The following ZC3H12A variants were observed in gnomAD, a reference collection of about 807,000 sequenced individuals.
ZC3H12A encodes zinc finger CCCH-type containing 12A.
ZC3H12A carries 9 observed loss-of-function variants against 29.9 expected under a neutral mutation model. That is an observed-to-expected ratio of 0.30 (90% confidence interval 0.18 to 0.53). The LOEUF is 0.53. Among genes scored for constraint, ZC3H12A ranks in the 20% least tolerant of loss-of-function variants. ZC3H12A has a pLI of 0.96. For missense variants in ZC3H12A, 617 were observed against 799.0 expected (o/e 0.77, Z 2.75); for synonymous variants, 323 against 338.1 (o/e 0.96, Z 0.49).
rs1354528769 is a variant in ZC3H12A at position 37,483,693 on chromosome 1, C to G, written c.*82C>G. The G allele has an allele frequency of 2.7e-6, 4 of 1,458,104 alleles. No homozygotes were observed. The highest frequency in any genetic ancestry group is 3.6e-6 in the Non-Finnish European group (4 of 1,103,564). 90.3% of individuals were successfully genotyped at this position (1,458,104 alleles called of 1,614,324 possible). ...CTTTGGGCCATTGAGCAGCCCATTCCCAGCCCTGAGGCCCACCCCAGAGGC... is the reference window on the plus strand; with the variant it reads ...CTTTGGGCCATTGAGCAGCCCATTCGCAGCCCTGAGGCCCACCCCAGAGGC... On this transcript the variant is annotated 3_prime_UTR_variant, in exon 6 of 6. Coordinates refer to ENST00000373087, the MANE Select transcript of ZC3H12A (RefSeq NM_025079.3).
At position 37,479,161 on chromosome 1, in the gene ZC3H12A, G is replaced by C. The variant is rs999217841; in HGVS notation, c.444-1129G>C. The C allele has an allele frequency of 6.6e-5, 65 of 985,280 alleles. No individual in the cohort carries two copies. Among genetic ancestry groups the C allele is most frequent in the Non-Finnish European group, 7.5e-5 (62 of 829,936 alleles). The allele number at this position is 985,280 out of a possible 1,614,324, so 61.0% of individuals were successfully genotyped here. On this transcript the variant is annotated intron_variant, in intron 2 of 5. Coordinates refer to ENST00000373087, the MANE Select transcript of ZC3H12A (RefSeq NM_025079.3). This position sits in a 1 kb window ranked among gnomAD's most constrained non-coding sequence, Gnocchi z 4.5. ...ACGAGAGTCTAAGCTGTTCACTGAG[G>C]GGGCAGTGAGACGTGGGGCTGCTGG...
At position 37,477,163 on chromosome 1, in the gene ZC3H12A, G is replaced by A. The variant is rs115492089; in HGVS notation, c.443+1224G>A. On this transcript the variant is annotated intron_variant, in intron 2 of 5. Transcript: ENST00000373087. ...GGCAGCAGGTCACAGCCCATGCTTC[G>A]AGATTAGAAGGGGTCCCTCTCAGTG... Among the ~76,000 whole-genome samples, 1,500 of 152,344 alleles carry A rather than the reference G, an allele frequency of 9.8e-3. 14 individuals are homozygous for A. The highest frequency in any genetic ancestry group is 0.017 in the Non-Finnish European group (1,181 of 68,032).
In ZC3H12A at chr1:37,479,830, C is replaced by T. The variant is rs888253418; in HGVS notation, c.444-460C>T. 6.0e-5 allele frequency: 59 copies of T among 985,328 alleles called. No homozygotes were observed. Among genetic ancestry groups the T allele is most frequent in the Non-Finnish European group, 6.9e-5 (57 of 829,938 alleles). 61.0% of individuals were successfully genotyped at this position (985,328 alleles called of 1,614,324 possible). On this transcript the variant is annotated intron_variant, in intron 2 of 5. Coordinates refer to ENST00000373087, the MANE Select transcript of ZC3H12A (RefSeq NM_025079.3). This position sits in a 1 kb window ranked among gnomAD's most constrained non-coding sequence, Gnocchi z 4.5. ...GCAAGAGGCGAGGGAGGGGTGGTGA[C>T]TCAGTGTGCATGTGTACATCTGTCC...
At chr1:37,482,689 T>C (rs1457958153) in intron 5 of ZC3H12A, 48 bp from the exon 6 acceptor site, 2 of 1,612,344 alleles carry the variant, frequency 1.2e-6, no homozygotes, top group Admixed American at 3.3e-5. Flanking sequence ...CTCTCATCCC[T>C]GGTTCTGAAG....
chr1:37,482,219 G>A, intron 4 of ZC3H12A: 1 of 597,602 alleles, frequency 1.7e-6, no homozygotes, highest in South Asian at 2.1e-5. Context: ...TCCCCTAAAG[G>A]TGCCCATGGG....
intron 2 of ZC3H12A, chr1:37,480,042 C>G: frequency 8.1e-7 from 1 of 1,232,922 alleles, no homozygotes. Flanking sequence ...GGGGCCTGGC[C>G]ATCCTGGAGC....
At position 37,479,249 on chromosome 1, in the gene ZC3H12A, C is replaced by G. The variant is rs1439848256; in HGVS notation, c.444-1041C>G. ...GAGCCCCAAGCCCCAGTCCCCCATCCCTCAGGAAATCCAGTTGGAACCCCT... is the reference window on the plus strand; with the variant it reads ...GAGCCCCAAGCCCCAGTCCCCCATCGCTCAGGAAATCCAGTTGGAACCCCT... On this transcript the variant is annotated intron_variant, in intron 2 of 5. Transcript: ENST00000373087. The surrounding 1 kb of genome is among the most constrained non-coding windows in gnomAD (Gnocchi z 4.5). 2.3e-5 allele frequency: 23 copies of G among 985,260 alleles called. No homozygotes were observed. The highest frequency in any genetic ancestry group is 2.5e-5 in the Non-Finnish European group (21 of 829,936). The allele number at this position is 985,260 out of a possible 1,614,324, so 61.0% of individuals were successfully genotyped here.
Position 37,479,318 on chromosome 1 carries a change from T to C in ZC3H12A, c.444-972T>C. 1.0e-6 allele frequency: 1 copy of C among 985,364 alleles called. No individual in the cohort carries two copies. The allele number at this position is 985,364 out of a possible 1,614,324, so 61.0% of individuals were successfully genotyped here. A position where few individuals can be genotyped will look rare whatever the true frequency, so the allele number is the denominator to read the frequency against. On this transcript the variant is annotated intron_variant, in intron 2 of 5. Coordinates refer to ENST00000373087, the MANE Select transcript of ZC3H12A (RefSeq NM_025079.3). This position sits in a 1 kb window ranked among gnomAD's most constrained non-coding sequence, Gnocchi z 4.5. Reference sequence around the variant, plus strand: ...TGGCCTGAAGCCACCAGGAAAGCTGTCCCACTGACTGACCCCTCTTAAGGA... The same window carrying C: ...TGGCCTGAAGCCACCAGGAAAGCTGCCCCACTGACTGACCCCTCTTAAGGA...
chr1:37,482,115 TG>T (rs1641720076), intron 4 of ZC3H12A, among the ~76,000 whole-genome samples: 1 of 152,166 alleles, frequency 6.6e-6, no homozygotes, highest in African/African-American at 2.4e-5. Context: ...TGGTTCCAGG[TG>T]GCCTCTCTAC....
rs1641644607 is a variant in ZC3H12A at position 37,478,916 on chromosome 1, G to T, written c.444-1374G>T. On this transcript the variant is annotated intron_variant, in intron 2 of 5. Transcript: ENST00000373087. The surrounding 1 kb of genome is among the most constrained non-coding windows in gnomAD (Gnocchi z 5.2). ...TGAGTGCTGCCCTGGGCTGGACTTTGTCTCCCCTACAATTTAGAGACCTTC... is the reference window on the plus strand; with the variant it reads ...TGAGTGCTGCCCTGGGCTGGACTTTTTCTCCCCTACAATTTAGAGACCTTC... The T allele has an allele frequency of 9.1e-6, 9 of 985,150 alleles. No individual in the cohort carries two copies. Among genetic ancestry groups the T allele is most frequent in the African/African-American group, 3.5e-5 (2 of 57,182 alleles). 61.0% of individuals were successfully genotyped at this position (985,150 alleles called of 1,614,324 possible).
chr1:37,479,532 T>C lies in ZC3H12A; in HGVS notation c.444-758T>C, dbSNP rs111852082. 1,400 of 985,416 alleles carry C rather than the reference T, an allele frequency of 1.4e-3. 20 individuals are homozygous for C. The African/African-American group carries it at 0.021, about 15-fold the overall frequency. The allele number at this position is 985,416 out of a possible 1,614,324, so 61.0% of individuals were successfully genotyped here. On this transcript the variant is annotated intron_variant, in intron 2 of 5. Transcript: ENST00000373087. This position sits in a 1 kb window ranked among gnomAD's most constrained non-coding sequence, Gnocchi z 4.5. ...GTCCCCTAGCATCTTCCTGATGGTCTTTCTGCCTTGGGGTGAAGAGGCATT... is the reference window on the plus strand; with the variant it reads ...GTCCCCTAGCATCTTCCTGATGGTCCTTCTGCCTTGGGGTGAAGAGGCATT...
rs1395718 is a variant in ZC3H12A at position 37,476,352 on chromosome 1, A to G, written c.443+413A>G. On this transcript the variant is annotated intron_variant, in intron 2 of 5. Transcript: ENST00000373087. The surrounding 1 kb of genome is among the most constrained non-coding windows in gnomAD (Gnocchi z 6.0). ...GGAGAGGAGCAAGCGTTCAGGAACC[A>G]TAGTAGTGGTAGTAGGCAGTGGTAG... Among the ~76,000 whole-genome samples, 31,561 of 152,136 alleles carry G rather than the reference A, an allele frequency of 0.21. 3,626 individuals carry two copies. Among genetic ancestry groups the G allele is most frequent in the East Asian group, 0.35 (1,831 of 5,172 alleles).
Position 37,478,863 on chromosome 1 carries a change from G to A in ZC3H12A, c.444-1427G>A. 1.0e-6 allele frequency: 1 copy of A among 985,378 alleles called. No homozygotes were observed. The highest frequency in any genetic ancestry group is 1.2e-6 in the Non-Finnish European group (1 of 829,918). 61.0% of individuals were successfully genotyped at this position (985,378 alleles called of 1,614,324 possible). On this transcript the variant is annotated intron_variant, in intron 2 of 5. Transcript: ENST00000373087. The surrounding 1 kb of genome is among the most constrained non-coding windows in gnomAD (Gnocchi z 5.2). Reference sequence around the variant, plus strand: ...GGGAACTTTTATTATAAGCAGGCTGGCAGATGTGGCAGAGGGACCGGGAAG... The same window carrying A: ...GGGAACTTTTATTATAAGCAGGCTGACAGATGTGGCAGAGGGACCGGGAAG...
At chr1:37,481,983 G>A in intron 4 of ZC3H12A, 148 bp downstream of exon 4, 1 of 746,778 alleles carries the variant, frequency 1.3e-6, no homozygotes, top group South Asian at 1.7e-5. Flanking sequence ...AGCTTTGAGA[G>A]TGAGACGGAT....
At chr1:37,482,605 T>G (rs565861941) in intron 5 of ZC3H12A, 65 bp downstream of exon 5, 63 of 1,608,716 alleles carry the variant, frequency 3.9e-5, no homozygotes, top group Admixed American at 5.0e-5. Flanking sequence ...CCTGTCTGCC[T>G]GTGCCCTGTT....
chr1:37,479,355 G>A lies in ZC3H12A; in HGVS notation c.444-935G>A. ...ACCCCTCTTAAGGAAGCTGCAGACT[G>A]CTGGGCCCATTTTCAGATAGAGGAA... is the stretch of plus-strand genomic sequence containing the variant. On this transcript the variant is annotated intron_variant, in intron 2 of 5. Coordinates refer to ENST00000373087, the MANE Select transcript of ZC3H12A (RefSeq NM_025079.3). This position sits in a 1 kb window ranked among gnomAD's most constrained non-coding sequence, Gnocchi z 4.5. 1 of 985,436 alleles carries A rather than the reference G, an allele frequency of 1.0e-6. No homozygotes were observed. The highest frequency in any genetic ancestry group is 1.2e-6 in the Non-Finnish European group (1 of 829,928). 61.0% of individuals were successfully genotyped at this position (985,436 alleles called of 1,614,324 possible).
Position 37,481,642 on chromosome 1 carries a change from G to A in ZC3H12A, c.625G>A (p.Val209Met). 1.2e-6 allele frequency: 2 copies of A among 1,614,238 alleles called. No homozygotes were observed. Among genetic ancestry groups the A allele is most frequent in the Non-Finnish European group, 1.7e-6 (2 of 1,180,036 alleles). Residue 209 changes from valine to methionine, a missense_variant, in exon 4 of 6, where the codon GTG becomes ATG. Physicochemically the swap from Val to Met is conservative, Grantham distance 21. Around this residue, in one of 5 missense-constraint regions of ZC3H12A, gnomAD observed 255 missense variants for 402.5 expected, o/e 0.63. Coordinates refer to ENST00000373087, the MANE Select transcript of ZC3H12A (RefSeq NM_025079.3). Reference protein sequence around the residue: ...LRELEKKKILVFTPSRRVGGK... With the variant: ...LRELEKKKILMFTPSRRVGGK... ...GGAACTGGAGAAGAAGAAGATCCTGGTGTTCACACCATCACGACGCGTGGG... is the reference window on the plus strand; with the variant it reads ...GGAACTGGAGAAGAAGAAGATCCTGATGTTCACACCATCACGACGCGTGGG...
In ZC3H12A at chr1:37,475,868, A is replaced by T. The variant is rs933749756; in HGVS notation, c.372A>T (p.Pro124=). ...GTPKAPNLEP[P]LPEEEKEGSD... is the part of the protein sequence containing the mutation. The stretch of plus-strand genomic sequence containing the variant: ...CTAAGGCTCCCAACCTGGAGCCTCC[A>T]CTCCCAGAAGAGGAAAAGGAGGGCA... The change falls in exon 2 of 6, where the codon CCA becomes CCT. Residue 124 remains proline (P), a synonymous_variant. Transcript: ENST00000373087. This position sits in a 1 kb window ranked among gnomAD's most constrained non-coding sequence, Gnocchi z 5.2. The T allele has an allele frequency of 4.5e-6, 7 of 1,563,878 alleles. No homozygotes were observed. The Admixed American group carries it at 1.1e-4, about 25-fold the overall frequency.
rs540550019 is a variant in ZC3H12A, at chr1:37,478,882, C to T, written c.444-1408C>T. ...AGGCTGGCAGATGTGGCAGAGGGAC[C>T]GGGAAGGATGAGTGCTGCCCTGGGC... is the stretch of plus-strand genomic sequence containing the variant. On this transcript the variant is annotated intron_variant, in intron 2 of 5. Transcript: ENST00000373087. The surrounding 1 kb of genome is among the most constrained non-coding windows in gnomAD (Gnocchi z 5.2). The T allele has an allele frequency of 3.1e-5, 31 of 985,270 alleles. 1 individual carries two copies. In the East Asian group the frequency reaches 6.8e-4, roughly 22 times the overall value. The allele number at this position is 985,270 out of a possible 1,614,324, so 61.0% of individuals were successfully genotyped here.
Sources: allele counts gnomAD v4.1 joint callset (sites outside exome capture counted in the v4.1 genomes callset), GRCh38; gene constraint gnomAD v4.1.1; regional missense constraint gnomAD v4.1.1; non-coding constraint Gnocchi (gnomAD v3.1); transcripts MANE v1.5; gene names NCBI Gene and HGNC (gene_info 2026-07-23, HGNC 2026-07-21).